BBX: variants seen among roughly 807,000 people sequenced by gnomAD.
The protein encoded by BBX is BBX high mobility group box domain containing, also known as HMG box transcription factor BBX.
In BBX, 30 loss-of-function variants were observed where a neutral mutation model predicts 100.2. That is an observed-to-expected ratio of 0.30 (90% CI 0.22 to 0.41). The LOEUF is 0.41. Ranked by LOEUF, BBX falls within the 10% of genes least tolerant of loss-of-function variation. The probability of loss-of-function intolerance (pLI) is 1.00; values close to 1 mark genes in which losing one functional copy is unlikely to be tolerated. For synonymous variants in BBX, 376 were observed against 388.1 expected, an observed-to-expected ratio of 0.97 and a Z score of 0.37; for missense variants, 1,023 against 1,129.8, an observed-to-expected ratio of 0.91 and a Z score of 1.35.
intron 16 of BBX, among the ~76,000 whole-genome samples, chr3:107,799,786 T>TGTTTGCTGTTCC (rs1405331219): frequency 6.6e-6 from 1 of 152,216 alleles, no homozygotes; most frequent in Non-Finnish European, 1.5e-5. Flanking sequence ...GCCTGTTGTC[T>TGTTTGCTGTTCC]GTTTGCTGTT....
In BBX at chr3:107,810,447, G is replaced by A. The variant is rs1426306877; in HGVS notation, c.*4990G>A. Reference sequence around the variant, plus strand: ...TTTCCTGATAACTTGGGCCAGAGGTGGTTACTGAGTAACAAGGATCTAATT... The same window carrying A: ...TTTCCTGATAACTTGGGCCAGAGGTAGTTACTGAGTAACAAGGATCTAATT... On this transcript the variant is annotated 3_prime_UTR_variant, in exon 18 of 18. Coordinates refer to ENST00000325805, the MANE Select transcript of BBX (RefSeq NM_001142568.3). The A allele has an allele frequency of 6.6e-6, 1 of 152,154 alleles. No individual in the cohort carries two copies. Among genetic ancestry groups the A allele is most frequent in the African/African-American group, 2.4e-5 (1 of 41,414 alleles). The allele number at this position is 152,154 out of a possible 1,614,324, so 9.4% of individuals were successfully genotyped here. A position where few individuals can be genotyped will look rare whatever the true frequency, so the allele number is the denominator to read the frequency against.
At chr3:107,573,678 A>T (rs1559827757) in intron 2 of BBX, among the ~76,000 whole-genome samples, 2 of 152,260 alleles carry the variant, frequency 1.3e-5, no homozygotes. Flanking sequence ...AGTACATTTT[A>T]AAGGAAATAA....
chr3:107,798,450 A>G, intron 15 of BBX, 73 bp from the exon 16 acceptor site: 2 of 1,392,072 alleles, frequency 1.4e-6, no homozygotes, highest in Non-Finnish European at 2.0e-6. Context: ...AAATTTAGAC[A>G]TGTTTCCTTC....
At chr3:107,661,391 A>G (rs536646189) in intron 3 of BBX, among the ~76,000 whole-genome samples, 1 of 152,178 alleles carries the variant, frequency 6.6e-6, no homozygotes, top group South Asian at 2.1e-4. Context: ...GGCAAGTCAC[A>G]TTACCTCTCT....
At chr3:107,533,542 G>A (rs1003097241) in intron 2 of BBX, among the ~76,000 whole-genome samples, 1 of 152,156 alleles carries the variant, frequency 6.6e-6, no homozygotes, top group Non-Finnish European at 1.5e-5. Flanking sequence ...CATCTAAGTT[G>A]AGCCAAGTTA....
intron 13 of BBX, among the ~76,000 whole-genome samples, chr3:107,779,467 A>G (rs2067650588): frequency 6.6e-6 from 1 of 152,092 alleles, no homozygotes; most frequent in South Asian, 2.1e-4. Flanking sequence ...AGGACATGGA[A>G]TAGAGAGATG....
intron 13 of BBX, among the ~76,000 whole-genome samples, chr3:107,788,638 G>T (rs111376531): frequency 0.043 from 6,540 of 152,068 alleles, 427 homozygotes; most frequent in African/African-American, 0.15. Flanking sequence ...AGCCAGGCAT[G>T]GTGATCCCCA....
At chr3:107,633,118 A>G (rs1347289435) in intron 2 of BBX, among the ~76,000 whole-genome samples, 1 of 152,138 alleles carries the variant, frequency 6.6e-6, no homozygotes, top group Admixed American at 6.5e-5. Context: ...AATATATAAC[A>G]TGGGAAAACT....
intron 2 of BBX, among the ~76,000 whole-genome samples, chr3:107,597,456 A>G (rs2053740613): frequency 6.6e-6 from 1 of 152,192 alleles, no homozygotes; most frequent in Admixed American, 6.5e-5. Context: ...CAGTTTTACT[A>G]GAAATTTATC....
Position 107,784,286 on chromosome 3 carries a change from A to C in BBX, c.2204-5501A>C, listed in dbSNP as rs1044854576. Among the ~76,000 whole-genome samples the C allele has an allele frequency of 1.3e-4, 20 of 152,098 alleles. 1 individual carries two copies. The highest frequency in any genetic ancestry group is 4.6e-4 in the African/African-American group (19 of 41,550). The stretch of plus-strand genomic sequence containing the variant: ...CAAAAGATCAACAAGAAAAGGCTGG[A>C]ACCAACACTACAAACCAACTAGAAC... On this transcript the variant is annotated intron_variant, in intron 13 of 17. Coordinates refer to ENST00000325805, the MANE Select transcript of BBX (RefSeq NM_001142568.3).
At chr3:107,531,728 G>A (rs577799097) in intron 2 of BBX, among the ~76,000 whole-genome samples, 17 of 152,208 alleles carry the variant, frequency 1.1e-4, no homozygotes, top group African/African-American at 3.9e-4. Context: ...GCTGAGGCAC[G>A]CCACAGTAAA....
chr3:107,762,037 C>T (rs953385850), intron 10 of BBX, among the ~76,000 whole-genome samples: 12 of 152,072 alleles, frequency 7.9e-5, no homozygotes, highest in Non-Finnish European at 1.3e-4. Flanking sequence ...TAAGGGGACC[C>T]GTGTGGTGGG....
At chr3:107,545,850 T>C (rs910764324) in intron 2 of BBX, among the ~76,000 whole-genome samples, 1 of 152,198 alleles carries the variant, frequency 6.6e-6, no homozygotes, top group African/African-American at 2.4e-5. Flanking sequence ...GGGCTTTCAT[T>C]TGGCTCAGTG....
intron 5 of BBX, among the ~76,000 whole-genome samples, chr3:107,717,489 T>C (rs1036206569): frequency 3.3e-5 from 5 of 152,284 alleles, no homozygotes; most frequent in Non-Finnish European, 5.9e-5. Flanking sequence ...TCAAGAAATA[T>C]GCTTTGACTT....
At chr3:107,768,044 A>G (rs1175377324) in intron 10 of BBX, among the ~76,000 whole-genome samples, 1 of 151,788 alleles carries the variant, frequency 6.6e-6, no homozygotes, top group Non-Finnish European at 1.5e-5. Flanking sequence ...CTTCAGTGTC[A>G]CTCTTTCCGC....
At chr3:107,561,639 T>C (rs13060816) in intron 2 of BBX, among the ~76,000 whole-genome samples, 69,020 of 151,972 alleles carry the variant, frequency 0.45, 16,526 homozygotes, top group Middle Eastern at 0.54. Flanking sequence ...ATATCATCCG[T>C]ATATATTTTA....
intron 5 of BBX, among the ~76,000 whole-genome samples, chr3:107,725,723 A>G (rs1476369878): frequency 6.6e-6 from 1 of 152,056 alleles, no homozygotes; most frequent in Non-Finnish European, 1.5e-5. Context: ...GGTAGTGGAT[A>G]GGGCCTGAGG....
At chr3:107,622,587 G>T (rs2055857630) in intron 2 of BBX, among the ~76,000 whole-genome samples, 2 of 152,060 alleles carry the variant, frequency 1.3e-5, no homozygotes, top group Admixed American at 6.5e-5. Context: ...ACCTTTACTT[G>T]TTAGAGAATT....
chr3:107,563,483 A>T (rs1218522918), intron 2 of BBX, among the ~76,000 whole-genome samples: 1 of 152,234 alleles, frequency 6.6e-6, no homozygotes, highest in Non-Finnish European at 1.5e-5. Flanking sequence ...CAGAAGGTTA[A>T]ATATTATTAT....
Sources: gnomAD v4.1 joint callset for allele counts (sites outside exome capture counted in the v4.1 genomes callset) on GRCh38, gnomAD v4.1.1 for gene constraint, MANE v1.5 for transcripts, NCBI Gene and HGNC (gene_info 2026-07-23, HGNC 2026-07-21) for gene names.